UNK: variants seen among roughly 807,000 people sequenced by gnomAD.
UNK encodes the protein unk zinc finger.
Under a neutral mutation model 97.6 loss-of-function variants are expected in UNK, and 32 were observed. That is an observed-to-expected ratio of 0.33 (90% CI 0.25 to 0.44). The LOEUF (loss-of-function observed/expected upper bound fraction) is 0.44, where lower values mean the gene tolerates loss of function less well. Among genes scored for constraint, UNK ranks in the 20% least tolerant of loss-of-function variants. The probability of loss-of-function intolerance (pLI) is 1.00; values close to 1 mark genes in which losing one functional copy is unlikely to be tolerated. For synonymous variants in UNK, 441 were observed against 461.2 expected (o/e 0.96, Z 0.56); for missense variants, 771 against 1,098.4 (o/e 0.70, Z 4.21).
chr17:75,817,410 G>A lies in UNK; in HGVS notation c.1189G>A (p.Glu397Lys). ...CTCCATCAGGAAGCCCCCAAACCTG[G>A]AGGGCATCGTCTTCCCTGGGGAGTC... ...PGSIRKPPNL[E>K]GIVFPGESGL... The change falls in exon 9 of 16, where the codon GAG (glutamate) becomes AAG (lysine). Residue 397 changes from glutamate (E) to lysine (K), a missense_variant. Physicochemically the swap from Glu to Lys is moderately conservative, Grantham distance 56. Transcript: ENST00000589666. The surrounding 1 kb of genome is among the most constrained non-coding windows in gnomAD (Gnocchi z 5.8). 1 of 1,612,896 alleles carries A rather than the reference G, an allele frequency of 6.2e-7. No homozygotes were observed. The highest frequency in any genetic ancestry group is 8.5e-7 in the Non-Finnish European group (1 of 1,179,338).
At position 75,816,803 on chromosome 17, in the gene UNK, C is replaced by T. The variant is rs1201455298; in HGVS notation, c.995C>T (p.Ser332Leu). 1 of 1,606,180 alleles carries T rather than the reference C, an allele frequency of 6.2e-7. No homozygotes were observed. Among genetic ancestry groups the T allele is most frequent in the Non-Finnish European group, 8.5e-7 (1 of 1,179,638 alleles). Residue 332 changes from serine to leucine, a missense_variant, in exon 8 of 16, where the codon TCA becomes TTA. Physicochemically the swap from Ser to Leu is moderately radical, Grantham distance 145. This residue lies in a region of UNK where 192 missense variants were observed against 202.4 expected (regional missense o/e 0.95). Transcript: ENST00000589666. The surrounding 1 kb of genome is among the most constrained non-coding windows in gnomAD (Gnocchi z 4.0). The stretch of plus-strand genomic sequence containing the variant: ...CTGAGTGACGACCTGCAGCCTTCCT[C>T]AGCTGTGTCCAGCCCCACCCAGCCA... ...PPLSDDLQPS[S>L]AVSSPTQPGP...
chr17:75,813,755 G>A lies in UNK; in HGVS notation c.759-6G>A. On this transcript the variant is annotated splice_region_variant and splice_polypyrimidine_tract_variant and intron_variant, in intron 5 of 15. Transcript: ENST00000589666. ...CTCCATCTGACCCCACCCTCTTGTT[G>A]GCCAGGTCGTCTCCATGTCCAAACG... is the stretch of plus-strand genomic sequence containing the variant. 1 of 1,573,318 alleles carries A rather than the reference G, an allele frequency of 6.4e-7. No homozygotes were observed. Among genetic ancestry groups the A allele is most frequent in the Non-Finnish European group, 8.6e-7 (1 of 1,158,906 alleles).
At chr17:75,791,076 A>G (rs935459566) in intron 1 of UNK, among the ~76,000 whole-genome samples, 3 of 152,234 alleles carry the variant, frequency 2.0e-5, no homozygotes, top group Non-Finnish European at 4.4e-5. Context: ...CAGTGACTGC[A>G]GTCGGTTCTC....
chr17:75,824,598 G>A lies in UNK; in HGVS notation c.*181G>A, dbSNP rs188297126. On this transcript the variant is annotated 3_prime_UTR_variant, in exon 16 of 16. Coordinates refer to ENST00000589666, the MANE Select transcript of UNK (RefSeq NM_001080419.3). This position sits in a 1 kb window ranked among gnomAD's most constrained non-coding sequence, Gnocchi z 4.9. ...CATTTCCGTATGTGTGCAGGTATGC[G>A]TGGTGGTGTGGACAGTGTCTGTGTG... 13 of 350,254 alleles carry A rather than the reference G, an allele frequency of 3.7e-5. No individual in the cohort carries two copies. Among genetic ancestry groups the A allele is most frequent in the East Asian group, 2.7e-4 (4 of 15,020 alleles). 21.7% of individuals were successfully genotyped at this position (350,254 alleles called of 1,614,324 possible).
chr17:75,805,640 TA>T (rs1200117030), intron 1 of UNK, among the ~76,000 whole-genome samples: 3 of 149,028 alleles, frequency 2.0e-5, no homozygotes, highest in Non-Finnish European at 3.0e-5. Context: ...GTACTAAAAA[TA>T]AAAAAAATTT....
chr17:75,815,286 C>T, intron 7 of UNK, 33 bp downstream of exon 7: 1 of 1,583,464 alleles, frequency 6.3e-7, no homozygotes, highest in Non-Finnish European at 8.6e-7. Context: ...GGGCAGTGCC[C>T]TCTCCCACCC....
rs1169556206 is a variant in UNK, at chr17:75,792,167, C to T, written c.104+7183C>T. ...TAATTTTTCTCATTAGGAGAGACTC[C>T]AGGTCAAGAGTGATGACAGTAAGGT... On this transcript the variant is annotated intron_variant, in intron 1 of 15. Transcript: ENST00000589666. 3.4e-6 allele frequency: 3 copies of T among 884,958 alleles called. No homozygotes were observed. In the African/African-American group the frequency reaches 5.4e-5, roughly 16 times the overall value. 54.8% of individuals were successfully genotyped at this position (884,958 alleles called of 1,614,324 possible).
At chr17:75,789,850 G>T (rs1252513792) in intron 1 of UNK, among the ~76,000 whole-genome samples, 1 of 152,104 alleles carries the variant, frequency 6.6e-6, no homozygotes. Context: ...ACTATTGAAA[G>T]TGTATAGCTG....
Sources: allele counts gnomAD v4.1 joint callset (sites outside exome capture counted in the v4.1 genomes callset), GRCh38; gene constraint gnomAD v4.1.1; regional missense constraint gnomAD v4.1.1; non-coding constraint Gnocchi (gnomAD v3.1); transcripts MANE v1.5; gene names NCBI Gene and HGNC (gene_info 2026-07-23, HGNC 2026-07-21).